Variants in ADAM30 observed in about 807,000 individuals in gnomAD.
The protein encoded by ADAM30 is ADAM metallopeptidase domain 30.
For missense variants in ADAM30, 960 were observed against 959.4 expected, an observed-to-expected ratio of 1.00 and a Z score of -0.01; for synonymous variants, 382 against 340.9, an observed-to-expected ratio of 1.12 and a Z score of -1.33.
chr1:119,894,125 T>C lies in ADAM30; in HGVS notation c.2212A>G (p.Lys738Glu), dbSNP rs1571134677. 4 of 1,613,336 alleles carry C rather than the reference T, an allele frequency of 2.5e-6. No individual in the cohort carries two copies. The highest frequency in any genetic ancestry group is 3.4e-6 in the Non-Finnish European group (4 of 1,179,568). ...GTTTTAGATTCTTCCTGTACAGTTT[T>C]TGTTTTAGATTCTTCCTGTTCAGTT... ...AKTEQEESKT[K>E]TVQEESKTKT... The change falls in exon 1 of 1, where the codon AAA becomes GAA. Residue 738 changes from lysine (K) to glutamate (E), a missense_variant. Lys to Glu is a moderately conservative substitution (Grantham distance 56, BLOSUM62 1). Coordinates refer to ENST00000369400, the MANE Select transcript of ADAM30 (RefSeq NM_021794.4).
Position 119,894,641 on chromosome 1 carries a change from G to A in ADAM30, c.1696C>T (p.Pro566Ser), listed in dbSNP as rs776431764. Residue 566 changes from proline (P) to serine (S), a missense_variant, in exon 1 of 1, where the codon CCT becomes TCT. By Grantham distance (74) the Pro-to-Ser change is moderately conservative. Coordinates refer to ENST00000369400, the MANE Select transcript of ADAM30 (RefSeq NM_021794.4). The part of the protein sequence containing the change: ...RLQCINVETI[P>S]DLPEHTTIIS... ...ATAGTCGTATGCTCTGGCAAATCAGGGATGGTTTCAACATTTATACACTGT... is the reference window on the plus strand; with the variant it reads ...ATAGTCGTATGCTCTGGCAAATCAGAGATGGTTTCAACATTTATACACTGT... 1.1e-5 allele frequency: 18 copies of A among 1,613,934 alleles called. No individual in the cohort carries two copies. In the South Asian group the frequency reaches 2.0e-4, roughly 18 times the overall value.
chr1:119,895,688 T>A lies in ADAM30; in HGVS notation c.649A>T (p.Arg217Trp). ...LILLFDQSRY[R>W]FVNNNLSQVI... is the part of the protein sequence containing the mutation. ...TGAGAAAGATTGTTGTTCACAAACC[T>A]ATACCTACTTTGATCAAAGAGTAGG... The change falls in exon 1 of 1, where the codon AGG becomes TGG. Residue 217 changes from arginine (R) to tryptophan (W), a missense_variant. Arg to Trp is a moderately radical substitution (Grantham distance 101, BLOSUM62 -3). Coordinates refer to ENST00000369400, the MANE Select transcript of ADAM30 (RefSeq NM_021794.4). The A allele has an allele frequency of 6.2e-7, 1 of 1,614,166 alleles. No homozygotes were observed. The highest frequency in any genetic ancestry group is 1.3e-5 in the African/African-American group (1 of 75,046).
chr1:119,896,360 G>T lies in ADAM30; in HGVS notation c.-24C>A. ...ATGGTCTGTTCCCTACTCAGCCTCA[G>T]TTTGCTATTCAGTCCCTGCAACTCT... On this transcript the variant is annotated 5_prime_UTR_variant, in exon 1 of 1. The change creates a new upstream start codon in the 5' untranslated region. Coordinates refer to ENST00000369400, the MANE Select transcript of ADAM30 (RefSeq NM_021794.4). The T allele has an allele frequency of 6.6e-7, 1 of 1,522,176 alleles. No homozygotes were observed. The highest frequency in any genetic ancestry group is 1.3e-5 in the South Asian group (1 of 75,368). 94.3% of individuals were successfully genotyped at this position (1,522,176 alleles called of 1,614,324 possible). A position where few individuals can be genotyped will look rare whatever the true frequency, so the allele number is the denominator to read the frequency against.
Position 119,893,831 on chromosome 1 carries a change from T to C in ADAM30, c.*133A>G. On this transcript the variant is annotated 3_prime_UTR_variant, in exon 1 of 1. Transcript: ENST00000369400. ...TTTGTTTCCAAAACAAGAATGCTGT[T>C]TATTTGCTGATCAAAACTTGTGGGA... 2 of 1,490,632 alleles carry C rather than the reference T, an allele frequency of 1.3e-6. No individual in the cohort carries two copies. Among genetic ancestry groups the C allele is most frequent in the Non-Finnish European group, 1.8e-6 (2 of 1,124,110 alleles). The allele number at this position is 1,490,632 out of a possible 1,614,324, so 92.3% of individuals were successfully genotyped here.
At position 119,896,132 on chromosome 1, in the gene ADAM30, T is replaced by C. The variant is rs747088337; in HGVS notation, c.205A>G (p.Lys69Glu). ...AAATGGAGGACGTGCTTCTTGCCTT[T>C]TAACTGCAGTAGGTAGGACACGGGA... ...VSPVSYLLQL[K>E]GKKHVLHLWP... The change falls in exon 1 of 1, where the codon AAA becomes GAA. Residue 69 changes from lysine to glutamate, a missense_variant. Transcript: ENST00000369400. The C allele has an allele frequency of 6.2e-7, 1 of 1,614,056 alleles. No homozygotes were observed. Among genetic ancestry groups the C allele is most frequent in the South Asian group, 1.1e-5 (1 of 91,070 alleles).
Position 119,894,928 on chromosome 1 carries a change from CA to C in ADAM30, c.1408del (p.Cys470AlafsTer59). 6.2e-7 allele frequency: 1 copy of C among 1,614,180 alleles called. No individual in the cohort carries two copies. Among genetic ancestry groups the C allele is most frequent in the Non-Finnish European group, 8.5e-7 (1 of 1,180,032 alleles). ...EGNECDLAEY[C>X]DGNSSSCPND... ...TGGGCAGGAACTTGAATTCCCGTCG[CA>C]GTACTCTGCAAGGTCACATTCATTT... On this transcript the variant is annotated frameshift_variant, in exon 1 of 1. Transcript: ENST00000369400. LOFTEE classifies it low-confidence loss of function (END_TRUNC).
At position 119,895,264 on chromosome 1, in the gene ADAM30, C is replaced by A; in HGVS notation, c.1073G>T (p.Arg358Met). 1 of 1,614,150 alleles carries A rather than the reference C, an allele frequency of 6.2e-7. No individual in the cohort carries two copies. Among genetic ancestry groups the A allele is most frequent in the Non-Finnish European group, 8.5e-7 (1 of 1,180,016 alleles). Residue 358 changes from arginine (R) to methionine (M), a missense_variant, in exon 1 of 1, where the codon AGG becomes ATG. By Grantham distance (91) the Arg-to-Met change is moderately conservative. Transcript: ENST00000369400. Reference sequence around the variant, plus strand: ...TCCTGAGCCCATGATGCAATTAAGCCTACCCCTACATTGGCAGTATTGTTC... The same window carrying A: ...TCCTGAGCCCATGATGCAATTAAGCATACCCCTACATTGGCAGTATTGTTC... ...HDEQYCQCRG[R>M]LNCIMGSGRT...
chr1:119,895,550 G>T lies in ADAM30; in HGVS notation c.787C>A (p.Arg263Ser), dbSNP rs200088734. Reference protein sequence around the residue: ...LEVWTDFNKIRVGYPELAEVL... With the variant: ...LEVWTDFNKISVGYPELAEVL... ...TCAGCTAACTCTGGATATCCAACGCGTATTTTGTTAAAATCTGTCCATACT... is the reference window on the plus strand; with the variant it reads ...TCAGCTAACTCTGGATATCCAACGCTTATTTTGTTAAAATCTGTCCATACT... The change falls in exon 1 of 1, where the codon CGC becomes AGC. Residue 263 changes from arginine (R) to serine (S), a missense_variant. By Grantham distance (110) the Arg-to-Ser change is moderately radical. Coordinates refer to ENST00000369400, the MANE Select transcript of ADAM30 (RefSeq NM_021794.4). 6 of 1,613,650 alleles carry T rather than the reference G, an allele frequency of 3.7e-6. No individual in the cohort carries two copies. Among genetic ancestry groups the T allele is most frequent in the Non-Finnish European group, 5.1e-6 (6 of 1,180,024 alleles).
rs1557794107 is a variant in ADAM30, at chr1:119,894,015, G to A, written c.2322C>T (p.Asn774=). The change falls in exon 1 of 1, where the codon AAC becomes AAT. Residue 774 remains asparagine (N), a synonymous_variant. Transcript: ENST00000369400. ...TTGCTTTGGGTCGTTTACTTTCAAT[G>A]TTTGCTTTAGATTCTTCCTGTCCAG... ...AKTGQEESKA[N]IESKRPKAKS... 1.2e-6 allele frequency: 2 copies of A among 1,613,134 alleles called. No individual in the cohort carries two copies. The highest frequency in any genetic ancestry group is 1.7e-6 in the Non-Finnish European group (2 of 1,179,864).
In ADAM30 at chr1:119,896,077, T is replaced by C; in HGVS notation, c.260A>G (p.His87Arg). The C allele has an allele frequency of 1.2e-6, 2 of 1,614,156 alleles. No individual in the cohort carries two copies. The highest frequency in any genetic ancestry group is 1.7e-6 in the Non-Finnish European group (2 of 1,180,038). Residue 87 changes from histidine (H) to arginine (R), a missense_variant, in exon 1 of 1, where the codon CAT becomes CGT. By Grantham distance (29) the His-to-Arg change is conservative. Transcript: ENST00000369400. ...LWPKRLLLPR[H>R]LRVFSFTEHG... Reference sequence around the variant, plus strand: ...TTCTGTGAAGGAGAAAACGCGCAGATGTCGGGGCAACAGAAGTCTCTTGGG... The same window carrying C: ...TTCTGTGAAGGAGAAAACGCGCAGACGTCGGGGCAACAGAAGTCTCTTGGG...
At position 119,896,410 on chromosome 1, in the gene ADAM30, G is replaced by A; in HGVS notation, c.-74C>T. 2 of 1,450,888 alleles carry A rather than the reference G, an allele frequency of 1.4e-6. No homozygotes were observed. The highest frequency in any genetic ancestry group is 3.1e-5 in the South Asian group (2 of 65,234). 89.9% of individuals were successfully genotyped at this position (1,450,888 alleles called of 1,614,324 possible). On this transcript the variant is annotated 5_prime_UTR_variant, in exon 1 of 1. Coordinates refer to ENST00000369400, the MANE Select transcript of ADAM30 (RefSeq NM_021794.4). ...TGGCCTCGCGAGTCAGATTTCTGGG[G>A]GCCGCCGCTAGAGGCGCCTGAGCTC...
chr1:119,895,008 A>G lies in ADAM30; in HGVS notation c.1329T>C (p.Leu443=). 6.2e-7 allele frequency: 1 copy of G among 1,614,206 alleles called. No homozygotes were observed. Among genetic ancestry groups the G allele is most frequent in the Non-Finnish European group, 8.5e-7 (1 of 1,180,038 alleles). The change falls in exon 1 of 1, where the codon CTT becomes CTC. Residue 443 remains leucine (L), a synonymous_variant. Coordinates refer to ENST00000369400, the MANE Select transcript of ADAM30 (RefSeq NM_021794.4). ...GACGAAACCGACAATCATGACAGCA[A>G]AGTCCAATGCTACAGTTGGCACCTG... ...LQPGANCSIG[L]CCHDCRFRPS...
chr1:119,894,981 T>C lies in ADAM30; in HGVS notation c.1356A>G (p.Pro452=), dbSNP rs144613770. 31 of 1,614,114 alleles carry C rather than the reference T, an allele frequency of 1.9e-5. No homozygotes were observed. The African/African-American group carries it at 3.3e-4, about 17-fold the overall frequency. ...GLCCHDCRFR[P]SGYVCRQEGN... ...CTTCCTGCCTACACACGTATCCAGA[T>C]GGACGAAACCGACAATCATGACAGC... The change falls in exon 1 of 1, where the codon CCA becomes CCG. Residue 452 remains proline (P), a synonymous_variant. Coordinates refer to ENST00000369400, the MANE Select transcript of ADAM30 (RefSeq NM_021794.4).
rs1458370450 is a variant in ADAM30, at chr1:119,893,951, A to G, written c.*13T>C. The stretch of plus-strand genomic sequence containing the variant: ...AATGAGCCTGTGTTACTGAATGAGT[A>G]TGGATTGCCCGGTTACTTTTTTTGT... On this transcript the variant is annotated 3_prime_UTR_variant, in exon 1 of 1. Coordinates refer to ENST00000369400, the MANE Select transcript of ADAM30 (RefSeq NM_021794.4). 6.9e-6 allele frequency: 11 copies of G among 1,600,184 alleles called. No homozygotes were observed. Among genetic ancestry groups the G allele is most frequent in the African/African-American group, 1.4e-5 (1 of 73,798 alleles).
In ADAM30 at chr1:119,895,193, T is replaced by G; in HGVS notation, c.1144A>C (p.Ile382Leu). 1.2e-6 allele frequency: 2 copies of G among 1,614,200 alleles called. No homozygotes were observed. Among genetic ancestry groups the G allele is most frequent in the Non-Finnish European group, 1.7e-6 (2 of 1,180,034 alleles). The part of the protein sequence containing the change: ...NCSYISFFKH[I>L]SSGATCLNNI... Reference sequence around the variant, plus strand: ...TTTAGACATGTTGCTCCCGAAGAGATATGTTTAAAAAAAGAGATATAACTG... The same window carrying G: ...TTTAGACATGTTGCTCCCGAAGAGAGATGTTTAAAAAAAGAGATATAACTG... Residue 382 changes from isoleucine (I) to leucine (L), a missense_variant, in exon 1 of 1, where the codon ATC (isoleucine) becomes CTC (leucine). Physicochemically the swap from Ile to Leu is conservative, Grantham distance 5. Coordinates refer to ENST00000369400, the MANE Select transcript of ADAM30 (RefSeq NM_021794.4).
In ADAM30 at chr1:119,894,300, T is replaced by C. The variant is rs1648509912; in HGVS notation, c.2037A>G (p.Arg679=). Residue 679 remains arginine, a synonymous_variant, in exon 1 of 1, where the codon AGA becomes AGG. Transcript: ENST00000369400. ...CCCAAATTGACGAGGGAATCGCCCC[T>C]CTGAGCAGTCCTGGAGGCCCACTGT... ...SIDSGPPGLL[R]GAIPSSIWVV... is the part of the protein sequence containing the mutation. 1.2e-6 allele frequency: 2 copies of C among 1,614,156 alleles called. No individual in the cohort carries two copies. Among genetic ancestry groups the C allele is most frequent in the Non-Finnish European group, 1.7e-6 (2 of 1,180,024 alleles).
In ADAM30 at chr1:119,896,260, A is replaced by G. The variant is rs749661123; in HGVS notation, c.77T>C (p.Leu26Pro). 2 of 1,613,628 alleles carry G rather than the reference A, an allele frequency of 1.2e-6. No individual in the cohort carries two copies. Among genetic ancestry groups the G allele is most frequent in the South Asian group, 1.1e-5 (1 of 90,966 alleles). ...LLVPTMLLKS[L>P]GEDVIFHPEG... ...AGGGTGAAAAATTACATCTTCGCCA[A>G]GAGACTTAAGGAGCATTGTCGGAAC... The change falls in exon 1 of 1, where the codon CTT (leucine) becomes CCT (proline). Residue 26 changes from leucine (L) to proline (P), a missense_variant. Coordinates refer to ENST00000369400, the MANE Select transcript of ADAM30 (RefSeq NM_021794.4).
Position 119,896,166 on chromosome 1 carries a change from AC to A in ADAM30, c.170del (p.Gly57ValfsTer12). The A allele has an allele frequency of 6.2e-7, 1 of 1,614,154 alleles. No homozygotes were observed. The highest frequency in any genetic ancestry group is 8.5e-7 in the Non-Finnish European group (1 of 1,180,020). On this transcript the variant is annotated frameshift_variant, in exon 1 of 1. Coordinates refer to ENST00000369400, the MANE Select transcript of ADAM30 (RefSeq NM_021794.4). LOFTEE classifies it low-confidence loss of function (END_TRUNC). ...GTAGGTAGGACACGGGACTGACCAC[AC>A]CCTGCACCTCTCCCCGGAAGCTCAG... ...EKLSFRGEVQGVVSPVSYLLQ... is the reference protein window; with the variant it reads ...EKLSFRGEVQXVVSPVSYLLQ...
Position 119,894,297 on chromosome 1 carries a change from C to G in ADAM30, c.2040G>C (p.Gly680=), listed in dbSNP as rs765910510. Residue 680 remains glycine (G), a synonymous_variant, in exon 1 of 1, where the codon GGG becomes GGC. Coordinates refer to ENST00000369400, the MANE Select transcript of ADAM30 (RefSeq NM_021794.4). ...CAACCCAAATTGACGAGGGAATCGCCCCTCTGAGCAGTCCTGGAGGCCCAC... is the reference window on the plus strand; with the variant it reads ...CAACCCAAATTGACGAGGGAATCGCGCCTCTGAGCAGTCCTGGAGGCCCAC... ...IDSGPPGLLR[G]AIPSSIWVVS... The G allele has an allele frequency of 6.2e-7, 1 of 1,614,140 alleles. No homozygotes were observed. The highest frequency in any genetic ancestry group is 1.7e-5 in the Admixed American group (1 of 60,018).
Sources: gnomAD v4.1 joint callset for allele counts on GRCh38, gnomAD v4.1.1 for gene constraint, MANE v1.5 for transcripts, NCBI Gene and HGNC (gene_info 2026-07-23, HGNC 2026-07-21) for gene names.